ATRNL1: variants seen among roughly 807,000 people sequenced by gnomAD.
The protein encoded by ATRNL1 is attractin-like protein 1.
ATRNL1 carries 95 observed loss-of-function variants against 182.7 expected under a neutral mutation model. The ratio of observed to expected loss-of-function variants is 0.52; its 90% CI spans 0.44 to 0.62. The LOEUF (loss-of-function observed/expected upper bound fraction) is 0.62. ATRNL1 is among the 20% of genes least tolerant of loss of function. The pLI is 0.00. For missense variants in ATRNL1, 1,471 were observed against 1,679.5 expected (o/e 0.88, Z 2.17); for synonymous variants, 576 against 568.3 (o/e 1.01, Z -0.19).
At chr10:115,682,438 G>A (rs1038322426) in intron 26 of ATRNL1, among the ~76,000 whole-genome samples, 27 of 152,054 alleles carry the variant, frequency 1.8e-4, no homozygotes, top group African/African-American at 6.3e-4. Flanking sequence ...TTGGGGGGCT[G>A]GTACAGGAGA....
In ATRNL1 at chr10:115,591,279, CAG is replaced by C. The variant is rs1592911498; in HGVS notation, c.3795+41745_3795+41746del. Among the ~76,000 whole-genome samples the C allele has an allele frequency of 2.6e-5, 4 of 152,120 alleles. No individual in the cohort carries two copies. The East Asian group carries it at 7.7e-4, about 29-fold the overall frequency. Reference sequence around the variant, plus strand: ...AATTTCCCACAAGATAACATAGTATCAGATATATCCTGCACAGAAAATGGGGT... The same window carrying C: ...AATTTCCCACAAGATAACATAGTATCATATATCCTGCACAGAAAATGGGGT... On this transcript the variant is annotated intron_variant, in intron 26 of 28. Transcript: ENST00000355044.
At chr10:115,440,349 T>C (rs1004164057) in intron 21 of ATRNL1, among the ~76,000 whole-genome samples, 3 of 151,820 alleles carry the variant, frequency 2.0e-5, no homozygotes, top group Admixed American at 1.3e-4. Context: ...TGGGGTTTTA[T>C]TCTTTCTTTC....
chr10:115,650,863 G>A (rs1859945292), intron 26 of ATRNL1, among the ~76,000 whole-genome samples: 4 of 151,854 alleles, frequency 2.6e-5, no homozygotes, highest in Admixed American at 2.6e-4. Flanking sequence ...CTGTGTTTTG[G>A]TTCGTTGATT....
intron 1 of ATRNL1, among the ~76,000 whole-genome samples, chr10:115,106,266 T>C (rs1554865912): frequency 6.6e-6 from 1 of 152,178 alleles, no homozygotes; most frequent in African/African-American, 2.4e-5. Flanking sequence ...TTGGCCAATT[T>C]CTCCCATTTG....
chr10:115,131,590 G>T (rs954583907), intron 5 of ATRNL1, among the ~76,000 whole-genome samples: 5 of 152,154 alleles, frequency 3.3e-5, no homozygotes, highest in African/African-American at 1.2e-4. Context: ...AATCAGTGAG[G>T]TAAGAAGAGG....
chr10:115,916,716 A>G (rs1952865135), intron 28 of ATRNL1, among the ~76,000 whole-genome samples: 2 of 151,992 alleles, frequency 1.3e-5, no homozygotes, highest in Admixed American at 6.5e-5. Context: ...CAGACATCCA[A>G]CTCCCCAACT....
chr10:115,101,099 A>C (rs1378185070), intron 1 of ATRNL1, among the ~76,000 whole-genome samples: 3 of 152,026 alleles, frequency 2.0e-5, no homozygotes, highest in Non-Finnish European at 4.4e-5. Flanking sequence ...CTTACTTATT[A>C]CTTGTGGTAG....
At chr10:115,256,674 G>C (rs112908577) in intron 10 of ATRNL1, among the ~76,000 whole-genome samples, 21 of 151,884 alleles carry the variant, frequency 1.4e-4, no homozygotes, top group African/African-American at 4.8e-4. Flanking sequence ...CTTGCCTTCC[G>C]CTAGCTTTTT....
At chr10:115,513,568 G>A (rs914950838) in intron 24 of ATRNL1, among the ~76,000 whole-genome samples, 1 of 151,868 alleles carries the variant, frequency 6.6e-6, no homozygotes. Context: ...TTTGATATAT[G>A]CATAAATGTA....
In ATRNL1 at chr10:115,514,616, C is replaced by G. The variant is rs539524770; in HGVS notation, c.3655-4647C>G. Among the ~76,000 whole-genome samples the G allele has an allele frequency of 2.6e-5, 4 of 151,958 alleles. No individual in the cohort carries two copies. In the South Asian group the frequency reaches 8.3e-4, roughly 31 times the overall value. ...CATAATAAAATTCTGCAGTTCCAGCCTGAATCATGTGCTTCATCAATTTAA... is the reference window on the plus strand; with the variant it reads ...CATAATAAAATTCTGCAGTTCCAGCGTGAATCATGTGCTTCATCAATTTAA... On this transcript the variant is annotated intron_variant, in intron 24 of 28. Transcript: ENST00000355044.
intron 26 of ATRNL1, among the ~76,000 whole-genome samples, chr10:115,618,179 A>G (rs1312059029): frequency 6.6e-6 from 1 of 152,138 alleles, no homozygotes; most frequent in East Asian, 1.9e-4. Flanking sequence ...ACCTAGTCTC[A>G]GGTATTTCTT....
At chr10:115,718,043 C>A (rs782482938) in intron 26 of ATRNL1, among the ~76,000 whole-genome samples, 1 of 152,096 alleles carries the variant, frequency 6.6e-6, no homozygotes, top group Non-Finnish European at 1.5e-5. Context: ...CATGATTCTT[C>A]GGGAAGTTTT....
chr10:115,436,213 A>G (rs1042076230), intron 21 of ATRNL1, among the ~76,000 whole-genome samples: 1 of 152,168 alleles, frequency 6.6e-6, no homozygotes, highest in Non-Finnish European at 1.5e-5. Context: ...GAAACTAAAT[A>G]GATGACCATT....
chr10:115,446,792 T>C (rs1847021461), intron 21 of ATRNL1, among the ~76,000 whole-genome samples: 1 of 151,980 alleles, frequency 6.6e-6, no homozygotes, highest in Admixed American at 6.6e-5. Flanking sequence ...TTTCTTTATA[T>C]CTATTTTACC....
At chr10:115,362,811 A>G (rs1202532589) in intron 19 of ATRNL1, among the ~76,000 whole-genome samples, 12 of 151,336 alleles carry the variant, frequency 7.9e-5, no homozygotes, top group Non-Finnish European at 1.8e-4. Flanking sequence ...GAGAATGATG[A>G]TTTCCAATTT....
At chr10:115,349,433 T>C (rs1420530382) in intron 19 of ATRNL1, among the ~76,000 whole-genome samples, 3 of 152,232 alleles carry the variant, frequency 2.0e-5, no homozygotes, top group African/African-American at 7.2e-5. Context: ...GATATGCAGA[T>C]ATTTCTTTGA....
In ATRNL1 at chr10:115,186,271, T is replaced by C. The variant is rs868967362; in HGVS notation, c.1348+14979T>C. Among the ~76,000 whole-genome samples the C allele has an allele frequency of 8.5e-5, 13 of 152,138 alleles. 2 individuals carry two copies. The South Asian group carries it at 2.5e-3, about 29-fold the overall frequency. ...ATACATTATTGGTGGGAATGTAAAT[T>C]AGTACAACCATGATGGAGAACAGTT... On this transcript the variant is annotated intron_variant, in intron 8 of 28. Coordinates refer to ENST00000355044, the MANE Select transcript of ATRNL1 (RefSeq NM_207303.4).
intron 27 of ATRNL1, among the ~76,000 whole-genome samples, chr10:115,812,978 T>C (rs1037466169): frequency 3.9e-5 from 6 of 152,158 alleles, no homozygotes; most frequent in Admixed American, 1.3e-4. Context: ...GAAGAAAGTA[T>C]GCTAGAGAGT....
chr10:115,170,118 A>G (rs1259438716), intron 7 of ATRNL1, among the ~76,000 whole-genome samples: 2 of 152,058 alleles, frequency 1.3e-5, no homozygotes, highest in African/African-American at 4.8e-5. Flanking sequence ...TCCAATCTGG[A>G]TGTCTTTATT....
Sources: allele counts gnomAD v4.1 joint callset (sites outside exome capture counted in the v4.1 genomes callset), GRCh38; gene constraint gnomAD v4.1.1; transcripts MANE v1.5; gene names NCBI Gene and HGNC (gene_info 2026-07-23, HGNC 2026-07-21).